LOX: variants seen among roughly 807,000 people sequenced by gnomAD.
LOX encodes the protein protein-lysine 6-oxidase.
Under a neutral mutation model 50.5 loss-of-function variants are expected in LOX, and 12 were observed. That is an observed-to-expected ratio of 0.24 (90% CI 0.15 to 0.38). The LOEUF (loss-of-function observed/expected upper bound fraction) is 0.38. Among genes scored for constraint, LOX ranks in the 10% least tolerant of loss-of-function variants. The pLI is 1.00. For missense variants in LOX, 504 were observed against 563.8 expected (o/e 0.89, Z 1.07); for synonymous variants, 254 against 230.6 (o/e 1.10, Z -0.92).
rs2278226 is a variant in LOX, at chr5:122,077,761, G to C, written c.225C>G (p.Ala75=). ...QPQRRRDPGA[A]VPGAANASAQ... ...CGGAGGCGTTGGCTGCACCAGGGAC[G>C]GCGGCGCCCGGGTCCCGGCGGCGCT... is the stretch of plus-strand genomic sequence containing the variant. The change falls in exon 1 of 7, where the codon GCC becomes GCG. Residue 75 remains alanine, a synonymous_variant. Transcript: ENST00000231004. The surrounding 1 kb of genome is among the most constrained non-coding windows in gnomAD (Gnocchi z 4.9). 3.0e-3 allele frequency: 4,690 copies of C among 1,552,762 alleles called. 139 individuals carry two copies. The East Asian group carries it at 0.058, about 19-fold the overall frequency.
chr5:122,074,185 A>C lies in LOX; in HGVS notation c.879-16T>G, dbSNP rs1561419494. On this transcript the variant is annotated splice_polypyrimidine_tract_variant and intron_variant, in intron 3 of 6. Coordinates refer to ENST00000231004, the MANE Select transcript of LOX (RefSeq NM_002317.7). The stretch of plus-strand genomic sequence containing the variant: ...GTGGTAATGTCTGATGTCCCACAAA[A>C]CAAAAAGATGGTGGTCAGTTACATA... The C allele has an allele frequency of 6.2e-7, 1 of 1,606,542 alleles. No homozygotes were observed. The highest frequency in any genetic ancestry group is 1.7e-5 in the Admixed American group (1 of 59,916).
chr5:122,077,237 G>T lies in LOX; in HGVS notation c.631+118C>A. 8 of 1,515,022 alleles carry T rather than the reference G, an allele frequency of 5.3e-6. No homozygotes were observed. Among genetic ancestry groups the T allele is most frequent in the East Asian group, 2.4e-5 (1 of 41,542 alleles). The allele number at this position is 1,515,022 out of a possible 1,614,324, so 93.8% of individuals were successfully genotyped here. ...TCCAGGGCTGCCACTGCAGGCGCGT[G>T]GGGGAGGGATCGGATCTGCGAGGAC... is the stretch of plus-strand genomic sequence containing the variant. On this transcript the variant is annotated intron_variant, in intron 1 of 6. Coordinates refer to ENST00000231004, the MANE Select transcript of LOX (RefSeq NM_002317.7). This position sits in a 1 kb window ranked among gnomAD's most constrained non-coding sequence, Gnocchi z 4.9.
Position 122,077,781 on chromosome 5 carries a change from G to T in LOX, c.205C>A (p.Arg69Ser). The T allele has an allele frequency of 6.5e-7, 1 of 1,548,936 alleles. No homozygotes were observed. Among genetic ancestry groups the T allele is most frequent in the Non-Finnish European group, 8.7e-7 (1 of 1,151,680 alleles). ...SLGSQYQPQRRRDPGAAVPGA... is the reference protein window; with the variant it reads ...SLGSQYQPQRSRDPGAAVPGA... ...GGGACGGCGGCGCCCGGGTCCCGGCGGCGCTGAGGCTGGTACTGTGAGCCC... is the reference window on the plus strand; with the variant it reads ...GGGACGGCGGCGCCCGGGTCCCGGCTGCGCTGAGGCTGGTACTGTGAGCCC... The change falls in exon 1 of 7, where the codon CGC becomes AGC. Residue 69 changes from arginine to serine, a missense_variant. Around this residue, in one of 2 missense-constraint regions of LOX, gnomAD observed 398 missense variants for 365.8 expected, o/e 1.09. Transcript: ENST00000231004. This position sits in a 1 kb window ranked among gnomAD's most constrained non-coding sequence, Gnocchi z 4.9.
chr5:122,077,973 AGGC>A lies in LOX; in HGVS notation c.10_12del (p.Ala4del). ...AAAGGCCCGAGCAGGAGCACGGTCCAGGCGAAGCGCATCACTCCTTTTGCCAGA... is the reference window on the plus strand; with the variant it reads ...AAAGGCCCGAGCAGGAGCACGGTCCAGAAGCGCATCACTCCTTTTGCCAGA... On this transcript the variant is annotated inframe_deletion, in exon 1 of 7. Transcript: ENST00000231004. This position sits in a 1 kb window ranked among gnomAD's most constrained non-coding sequence, Gnocchi z 4.9. The A allele has an allele frequency of 5.5e-6, 8 of 1,462,030 alleles. No individual in the cohort carries two copies. The South Asian group carries it at 1.1e-4, about 19-fold the overall frequency. The allele number at this position is 1,462,030 out of a possible 1,614,324, so 90.6% of individuals were successfully genotyped here. A position where few individuals can be genotyped will look rare whatever the true frequency, so the allele number is the denominator to read the frequency against.
chr5:122,070,934 C>G (rs1254250736), intron 4 of LOX, among the ~76,000 whole-genome samples: 1 of 152,120 alleles, frequency 6.6e-6, no homozygotes, highest in African/African-American at 2.4e-5. Flanking sequence ...TATCTTAGCT[C>G]AAATGTCCTC....
Position 122,077,596 on chromosome 5 carries a change from C to T in LOX, c.390G>A (p.Ser130=), listed in dbSNP as rs776823071. ...TARHWFQAGY[S]TSRAREAGAS... ...CGCCAGCTTCGCGGGCTCTAGATGT[C>T]GAGTAGCCAGCTTGGAACCAGTGAC... The change falls in exon 1 of 7, where the codon TCG becomes TCA. Residue 130 remains serine, a synonymous_variant. Coordinates refer to ENST00000231004, the MANE Select transcript of LOX (RefSeq NM_002317.7). The surrounding 1 kb of genome is among the most constrained non-coding windows in gnomAD (Gnocchi z 4.9). 3.1e-6 allele frequency: 5 copies of T among 1,612,428 alleles called. No homozygotes were observed. Among genetic ancestry groups the T allele is most frequent in the Non-Finnish European group, 4.2e-6 (5 of 1,179,816 alleles).
At position 122,075,486 on chromosome 5, in the gene LOX, G is replaced by A; in HGVS notation, c.796C>T (p.Pro266Ser). The change falls in exon 3 of 7, where the codon CCC (proline) becomes TCC (serine). Residue 266 changes from proline (P) to serine (S), a missense_variant. Physicochemically the swap from Pro to Ser is moderately conservative, Grantham distance 74. Coordinates refer to ENST00000231004, the MANE Select transcript of LOX (RefSeq NM_002317.7). ...DYDHRVLLRF[P>S]QRVKNQGTSD... The stretch of plus-strand genomic sequence containing the variant: ...GTCCCTTGGTTTTTCACTCTTTGGG[G>A]AAATCTGAGCAGCACCCTGTGATCA... The A allele has an allele frequency of 6.2e-7, 1 of 1,613,428 alleles. No individual in the cohort carries two copies. The highest frequency in any genetic ancestry group is 8.5e-7 in the Non-Finnish European group (1 of 1,179,498).
At position 122,078,204 on chromosome 5, in the gene LOX, C is replaced by T; in HGVS notation, c.-219G>A. Reference sequence around the variant, plus strand: ...TGGCACCCTTCCCTTTCCCCTTTCTCAGTCCTGGAAGGCAACGGGGAGCGG... The same window carrying T: ...TGGCACCCTTCCCTTTCCCCTTTCTTAGTCCTGGAAGGCAACGGGGAGCGG... On this transcript the variant is annotated 5_prime_UTR_variant, in exon 1 of 7. Transcript: ENST00000231004. The T allele has an allele frequency of 2.2e-6, 1 of 445,184 alleles. No homozygotes were observed. Among genetic ancestry groups the T allele is most frequent in the Non-Finnish European group, 3.8e-6 (1 of 260,054 alleles). 27.6% of individuals were successfully genotyped at this position (445,184 alleles called of 1,614,324 possible).
In LOX at chr5:122,077,214, C is replaced by T. The variant is rs998805238; in HGVS notation, c.631+141G>A. ...CAGACGCGCGGTTTGCACTGGATTCCAGGGCTGCCACTGCAGGCGCGTGGG... is the reference window on the plus strand; with the variant it reads ...CAGACGCGCGGTTTGCACTGGATTCTAGGGCTGCCACTGCAGGCGCGTGGG... On this transcript the variant is annotated intron_variant, in intron 1 of 6. Coordinates refer to ENST00000231004, the MANE Select transcript of LOX (RefSeq NM_002317.7). The surrounding 1 kb of genome is among the most constrained non-coding windows in gnomAD (Gnocchi z 4.9). The T allele has an allele frequency of 4.0e-6, 6 of 1,488,050 alleles. No individual in the cohort carries two copies. The highest frequency in any genetic ancestry group is 2.7e-6 in the Non-Finnish European group (3 of 1,121,936). 92.2% of individuals were successfully genotyped at this position (1,488,050 alleles called of 1,614,324 possible). A position where few individuals can be genotyped will look rare whatever the true frequency, so the allele number is the denominator to read the frequency against.
In LOX at chr5:122,078,029, C is replaced by G. The variant is rs1754695321; in HGVS notation, c.-44G>C. 1 of 1,425,438 alleles carries G rather than the reference C, an allele frequency of 7.0e-7. No homozygotes were observed. Among genetic ancestry groups the G allele is most frequent in the South Asian group, 1.7e-5 (1 of 58,998 alleles). The allele number at this position is 1,425,438 out of a possible 1,614,324, so 88.3% of individuals were successfully genotyped here. On this transcript the variant is annotated 5_prime_UTR_variant, in exon 1 of 7. Transcript: ENST00000231004. Reference sequence around the variant, plus strand: ...GACCCCGCTCGAGGAGGACGTGGCTCACAGAAAATAAAAACGGGGCTCAAA... The same window carrying G: ...GACCCCGCTCGAGGAGGACGTGGCTGACAGAAAATAAAAACGGGGCTCAAA...
intron 4 of LOX, among the ~76,000 whole-genome samples, chr5:122,071,239 C>A (rs979518169): frequency 1.3e-5 from 2 of 151,422 alleles, no homozygotes; most frequent in Non-Finnish European, 2.9e-5. Context: ...TCAATTTTCA[C>A]AACTACATGA....
Position 122,077,725 on chromosome 5 carries a change from G to A in LOX, c.261C>T (p.Pro87=), listed in dbSNP as rs747737497. ...CGCGGATCAGCAGGATCGGAGTGCG[G>A]GGCTGCTGGGCGGAGGCGTTGGCTG... ...PGAANASAQQ[P]RTPILLIRDN... is the part of the protein sequence containing the mutation. The change falls in exon 1 of 7, where the codon CCC becomes CCT. Residue 87 remains proline (P), a synonymous_variant. Coordinates refer to ENST00000231004, the MANE Select transcript of LOX (RefSeq NM_002317.7). The surrounding 1 kb of genome is among the most constrained non-coding windows in gnomAD (Gnocchi z 4.9). The A allele has an allele frequency of 6.3e-7, 1 of 1,580,050 alleles. No homozygotes were observed. The highest frequency in any genetic ancestry group is 1.3e-5 in the African/African-American group (1 of 74,310).
At position 122,064,936 on chromosome 5, in the gene LOX, A is replaced by C. The variant is rs1561414215; in HGVS notation, c.*1807T>G. 1 of 152,124 alleles carries C rather than the reference A, an allele frequency of 6.6e-6. No individual in the cohort carries two copies. The highest frequency in any genetic ancestry group is 1.5e-5 in the Non-Finnish European group (1 of 67,986). The allele number at this position is 152,124 out of a possible 1,614,324, so 9.4% of individuals were successfully genotyped here. On this transcript the variant is annotated 3_prime_UTR_variant, in exon 7 of 7. Coordinates refer to ENST00000231004, the MANE Select transcript of LOX (RefSeq NM_002317.7). Reference sequence around the variant, plus strand: ...GATGCCAGTCTGGCTCAGTATTAATACTGACAGTAGTTTTTTTGTTTTTTA... The same window carrying C: ...GATGCCAGTCTGGCTCAGTATTAATCCTGACAGTAGTTTTTTTGTTTTTTA...
chr5:122,077,741 G>A lies in LOX; in HGVS notation c.245C>T (p.Ala82Val). 6.4e-7 allele frequency: 1 copy of A among 1,569,350 alleles called. No individual in the cohort carries two copies. Among genetic ancestry groups the A allele is most frequent in the South Asian group, 1.1e-5 (1 of 87,220 alleles). Residue 82 changes from alanine to valine, a missense_variant, in exon 1 of 7, where the codon GCC becomes GTC. Transcript: ENST00000231004. The surrounding 1 kb of genome is among the most constrained non-coding windows in gnomAD (Gnocchi z 4.9). ...PGAAVPGAAN[A>V]SAQQPRTPIL... Reference sequence around the variant, plus strand: ...CGGAGTGCGGGGCTGCTGGGCGGAGGCGTTGGCTGCACCAGGGACGGCGGC... The same window carrying A: ...CGGAGTGCGGGGCTGCTGGGCGGAGACGTTGGCTGCACCAGGGACGGCGGC...
chr5:122,069,587 T>C (rs975841305), intron 6 of LOX, among the ~76,000 whole-genome samples: 4 of 152,154 alleles, frequency 2.6e-5, no homozygotes, highest in African/African-American at 9.7e-5. Flanking sequence ...AACTCAAATA[T>C]ATGACATCTT....
intron 4 of LOX, among the ~76,000 whole-genome samples, chr5:122,071,755 G>T (rs1047249291): frequency 6.6e-6 from 1 of 152,092 alleles, no homozygotes; most frequent in African/African-American, 2.4e-5. Context: ...AACCAATATT[G>T]CTTTGCTGTT....
chr5:122,074,013 C>CTG lies in LOX; in HGVS notation c.1033_1034dup (p.Gln345HisfsTer4). ...TCTGGATTTCAGGGTGCCAACATAC[C>CTG]TGTGTGTGTGCAGTACATGCAAATC... On this transcript the variant is annotated frameshift_variant and splice_region_variant, in exon 4 of 7. Coordinates refer to ENST00000231004, the MANE Select transcript of LOX (RefSeq NM_002317.7). LOFTEE classifies it high-confidence loss of function. 1 of 1,611,814 alleles carries CTG rather than the reference C, an allele frequency of 6.2e-7. No individual in the cohort carries two copies. Among genetic ancestry groups the CTG allele is most frequent in the Non-Finnish European group, 8.5e-7 (1 of 1,178,306 alleles).
In LOX at chr5:122,077,530, A is replaced by C; in HGVS notation, c.456T>G (p.Pro152=). The C allele has an allele frequency of 6.2e-7, 1 of 1,613,764 alleles. No homozygotes were observed. The change falls in exon 1 of 7, where the codon CCT becomes CCG. Residue 152 remains proline (P), a synonymous_variant. Coordinates refer to ENST00000231004, the MANE Select transcript of LOX (RefSeq NM_002317.7). The surrounding 1 kb of genome is among the most constrained non-coding windows in gnomAD (Gnocchi z 4.9). The stretch of plus-strand genomic sequence containing the variant: ...TGGGCGGCCGCAGGTTACTGAGCGC[A>C]GGAACTTCTCCCGGCGCTGTCTGGT... ...AENQTAPGEV[P]ALSNLRPPSR... is the part of the protein sequence containing the mutation.
intron 4 of LOX, among the ~76,000 whole-genome samples, chr5:122,072,554 A>G (rs899428463): frequency 5.9e-5 from 9 of 152,226 alleles, no homozygotes; most frequent in African/African-American, 2.2e-4. Flanking sequence ...ACCTAGTTTT[A>G]TGCTTGAATA....
Sources: allele counts gnomAD v4.1 joint callset (sites outside exome capture counted in the v4.1 genomes callset), GRCh38; gene constraint gnomAD v4.1.1; regional missense constraint gnomAD v4.1.1; non-coding constraint Gnocchi (gnomAD v3.1); transcripts MANE v1.5; gene names NCBI Gene and HGNC (gene_info 2026-07-23, HGNC 2026-07-21).